ZNF23: variants seen among roughly 807,000 people sequenced by gnomAD.
ZNF23 encodes the protein zinc finger protein 23.
In ZNF23, 48 loss-of-function variants were observed where a neutral mutation model predicts 56.2. That is an observed-to-expected ratio of 0.85 (90% CI 0.68 to 1.09). The LOEUF (loss-of-function observed/expected upper bound fraction) is 1.09, where lower values mean the gene tolerates loss of function less well. Ranked by LOEUF, ZNF23 falls within the 50% of genes least tolerant of loss-of-function variation. ZNF23 has a pLI of 0.00. For missense variants in ZNF23, 805 were observed against 811.4 expected (o/e 0.99, Z 0.10); for synonymous variants, 266 against 283.3 (o/e 0.94, Z 0.61).
chr16:71,453,750 C>A (rs2043132424), intron 3 of ZNF23: 1 of 546,790 alleles, frequency 1.8e-6, no homozygotes, highest in Non-Finnish European at 3.3e-6. Context: ...GATGAGGGGG[C>A]AACTGAAGAT....
At position 71,449,321 on chromosome 16, in the gene ZNF23, T is replaced by C. The variant is rs750932070; in HGVS notation, c.833A>G (p.Tyr278Cys). The change falls in exon 5 of 5, where the codon TAC (tyrosine) becomes TGC (cysteine). Residue 278 changes from tyrosine to cysteine, a missense_variant. By Grantham distance (194) the Tyr-to-Cys change is radical. Transcript: ENST00000647773. Reference protein sequence around the residue: ...KCVECGKSFSYSSHYITHQTI... With the variant: ...KCVECGKSFSCSSHYITHQTI... ...CTGATGTGTGATATAATGGGAACTG[T>C]AGCTGAAGCTTTTCCCACACTCCAC... 4 of 1,613,934 alleles carry C rather than the reference T, an allele frequency of 2.5e-6. No homozygotes were observed. The highest frequency in any genetic ancestry group is 2.7e-5 in the African/African-American group (2 of 74,862).
Position 71,448,277 on chromosome 16 carries a change from G to C in ZNF23, c.1877C>G (p.Thr626Ser). 1 of 1,614,212 alleles carries C rather than the reference G, an allele frequency of 6.2e-7. No individual in the cohort carries two copies. The highest frequency in any genetic ancestry group is 8.5e-7 in the Non-Finnish European group (1 of 1,180,042). ...AHLIRHQRSH[T>S]GEKPFRCVEC... is the part of the protein sequence containing the mutation. The stretch of plus-strand genomic sequence containing the variant: ...CACACATCTGAAGGGTTTCTCCCCA[G>C]TGTGGCTTCTCTGATGCCGAATTAA... The change falls in exon 5 of 5, where the codon ACT (threonine) becomes AGT (serine). Residue 626 changes from threonine to serine, a missense_variant. Coordinates refer to ENST00000647773, the MANE Select transcript of ZNF23 (RefSeq NM_001381984.1).
rs115499134 is a variant in ZNF23, at chr16:71,460,180, C to T, written c.-33+2030G>A. ...AAATTCTCTAAAAAGTACTTAGAGA[C>T]GAGGGGCATCACAGGTCTCTAAAGC... On this transcript the variant is annotated intron_variant, in intron 1 of 4. Coordinates refer to ENST00000647773, the MANE Select transcript of ZNF23 (RefSeq NM_001381984.1). Among the ~76,000 whole-genome samples the T allele has an allele frequency of 7.1e-3, 1,078 of 152,242 alleles. 20 individuals carry two copies. Among genetic ancestry groups the T allele is most frequent in the African/African-American group, 0.025 (1,034 of 41,546 alleles).
In ZNF23 at chr16:71,449,597, G is replaced by A. The variant is rs887079877; in HGVS notation, c.557C>T (p.Thr186Ile). Residue 186 changes from threonine to isoleucine, a missense_variant, in exon 5 of 5, where the codon ACA becomes ATA. Transcript: ENST00000647773. Reference sequence around the variant, plus strand: ...AAAGCTGATGGATTTCCCCAATCCTGTACACCCAGAGGGCTGCTCTCCAGT... The same window carrying A: ...AAAGCTGATGGATTTCCCCAATCCTATACACCCAGAGGGCTGCTCTCCAGT... ...TITGEQPSGC[T>I]GLGKSISFDT... 8 of 1,614,018 alleles carry A rather than the reference G, an allele frequency of 5.0e-6. No homozygotes were observed. The highest frequency in any genetic ancestry group is 3.3e-4 in the Middle Eastern group (2 of 6,062).
chr16:71,449,200 C>T lies in ZNF23; in HGVS notation c.954G>A (p.Thr318=), dbSNP rs768144012. Residue 318 remains threonine, a synonymous_variant, in exon 5 of 5, where the codon ACG becomes ACA. Transcript: ENST00000647773. ...CCTTGCACTGATAGGGCTTCTCTCC[C>T]GTATGGATTCTCTGATGCCTACTTA... ...GSLSRHQRIH[T]GEKPYQCKEC... 150 of 1,613,684 alleles carry T rather than the reference C, an allele frequency of 9.3e-5. No individual in the cohort carries two copies. Among genetic ancestry groups the T allele is most frequent in the Non-Finnish European group, 1.2e-4 (140 of 1,179,934 alleles).
chr16:71,453,566 G>C (rs952140358), intron 3 of ZNF23: 1 of 528,906 alleles, frequency 1.9e-6, no homozygotes, highest in South Asian at 2.5e-5. Flanking sequence ...GTGGGGGTTG[G>C]GGGTGAAGGC....
intron 4 of ZNF23, 22 bp downstream of exon 4, chr16:71,453,221 G>A: frequency 6.4e-7 from 1 of 1,558,228 alleles, no homozygotes; most frequent in Non-Finnish European, 8.8e-7. Flanking sequence ...CCAACAGAGT[G>A]GGAAATATGT....
At position 71,448,652 on chromosome 16, in the gene ZNF23, C is replaced by T. The variant is rs1236859557; in HGVS notation, c.1502G>A (p.Ser501Asn). ...YECNECGKAF[S>N]VNGKLMRHQR... is the part of the protein sequence containing the mutation. ...ATGCCGCATTAGTTTCCCATTAACGCTGAAGGCCTTTCCACACTCATTACA... is the reference window on the plus strand; with the variant it reads ...ATGCCGCATTAGTTTCCCATTAACGTTGAAGGCCTTTCCACACTCATTACA... Residue 501 changes from serine (S) to asparagine (N), a missense_variant, in exon 5 of 5, where the codon AGC (serine) becomes AAC (asparagine). Ser to Asn is a conservative substitution (Grantham distance 46). Coordinates refer to ENST00000647773, the MANE Select transcript of ZNF23 (RefSeq NM_001381984.1). 3.1e-6 allele frequency: 5 copies of T among 1,614,168 alleles called. No individual in the cohort carries two copies. The South Asian group carries it at 4.4e-5, about 14-fold the overall frequency.
chr16:71,461,627 A>G (rs1341748484), intron 1 of ZNF23: 1 of 152,140 alleles, frequency 6.6e-6, no homozygotes, highest in Non-Finnish European at 1.5e-5. Flanking sequence ...GTCACTGTCA[A>G]CCCTGAGCCG....
intron 4 of ZNF23, 192 bp from the exon 5 acceptor site, chr16:71,450,077 T>A (rs567944376): frequency 8.5e-6 from 4 of 469,120 alleles, no homozygotes; most frequent in South Asian, 9.5e-5. Context: ...AATAAATCCA[T>A]ATATGCTGAC....
chr16:71,461,250 T>G (rs928477669), intron 1 of ZNF23, among the ~76,000 whole-genome samples: 1 of 152,082 alleles, frequency 6.6e-6, no homozygotes, highest in African/African-American at 2.4e-5. Context: ...TTGGGTGGTG[T>G]GTTCATGGAT....
In ZNF23 at chr16:71,449,275, C is replaced by A; in HGVS notation, c.879G>T (p.Lys293Asn). Residue 293 changes from lysine (K) to asparagine (N), a missense_variant, in exon 5 of 5, where the codon AAG becomes AAT. Lys to Asn is a moderately conservative substitution (Grantham distance 94, BLOSUM62 0). Transcript: ENST00000647773. The part of the protein sequence containing the change: ...ITHQTIHSGE[K>N]PYQCKMCGKA... ...TCCCACACATCTTACACTGATAGGG[C>A]TTCTCCCCACTGTGGATTGTCTGAT... The A allele has an allele frequency of 1.2e-6, 2 of 1,614,218 alleles. No individual in the cohort carries two copies. The highest frequency in any genetic ancestry group is 1.7e-6 in the Non-Finnish European group (2 of 1,180,042).
At chr16:71,449,959 G>C in intron 4 of ZNF23, 74 bp from the exon 5 acceptor site, 1 of 1,254,360 alleles carries the variant, frequency 8.0e-7, no homozygotes, top group Non-Finnish European at 1.1e-6. Context: ...TGCTATAAAA[G>C]ACCATAATAA....
At position 71,449,926 on chromosome 16, in the gene ZNF23, T is replaced by C. The variant is rs2042996124; in HGVS notation, c.269-41A>G. 2.0e-6 allele frequency: 3 copies of C among 1,490,056 alleles called. No homozygotes were observed. In the East Asian group the frequency reaches 6.8e-5, roughly 34 times the overall value. The allele number at this position is 1,490,056 out of a possible 1,614,324, so 92.3% of individuals were successfully genotyped here. A position where few individuals can be genotyped will look rare whatever the true frequency, so the allele number is the denominator to read the frequency against. On this transcript the variant is annotated intron_variant, in intron 4 of 4. Transcript: ENST00000647773. ...AACATAAAATGTCATGTAAGAACCA[T>C]GTTAGGAAAAAGAAGAGAACTGTGC...
intron 1 of ZNF23, among the ~76,000 whole-genome samples, chr16:71,460,439 A>G (rs1355626978): frequency 1.3e-5 from 2 of 152,180 alleles, no homozygotes; most frequent in Admixed American, 1.3e-4. Flanking sequence ...ACTAACTCTC[A>G]CAAAACACTG....
chr16:71,451,115 C>A (rs2043043775), intron 4 of ZNF23: 1 of 152,484 alleles, frequency 6.6e-6, no homozygotes, highest in Non-Finnish European at 1.5e-5. Context: ...CTTGCCTTTT[C>A]CTTTCACTTC....
chr16:71,454,624 T>C (rs1163425921), intron 2 of ZNF23, among the ~76,000 whole-genome samples: 2 of 152,098 alleles, frequency 1.3e-5, no homozygotes, highest in African/African-American at 4.8e-5. Context: ...TTCTGTCTCA[T>C]CCAGCCCCAC....
rs1481284863 is a variant in ZNF23 at position 71,448,055 on chromosome 16, G to T, written c.*38C>A. The T allele has an allele frequency of 6.7e-7, 1 of 1,489,710 alleles. No homozygotes were observed. The highest frequency in any genetic ancestry group is 1.4e-5 in the South Asian group (1 of 73,950). 92.3% of individuals were successfully genotyped at this position (1,489,710 alleles called of 1,614,324 possible). A position where few individuals can be genotyped will look rare whatever the true frequency, so the allele number is the denominator to read the frequency against. On this transcript the variant is annotated 3_prime_UTR_variant, in exon 5 of 5. Transcript: ENST00000647773. ...AATCTGATGATACTTGATCCATTTT[G>T]GCATTAACCTTAAGAGTTTTCTATA...
Position 71,449,613 on chromosome 16 carries a change from G to A in ZNF23, c.541C>T (p.Gln181Ter), listed in dbSNP as rs1004469520. ...CCCAATCCTGTACACCCAGAGGGCT[G>A]CTCTCCAGTGATGGTATGACACTGA... ...SYQCHTITGE[Q>*]PSGCTGLGKS... Residue 181 changes from glutamine to a stop codon, truncating the protein, a stop_gained, in exon 5 of 5, where the codon CAG (glutamine) becomes TAG (stop). Transcript: ENST00000647773. LOFTEE classifies it high-confidence loss of function. 1.2e-6 allele frequency: 2 copies of A among 1,613,918 alleles called. No individual in the cohort carries two copies. The highest frequency in any genetic ancestry group is 8.5e-7 in the Non-Finnish European group (1 of 1,180,002).
Sources: allele counts gnomAD v4.1 joint callset (sites outside exome capture counted in the v4.1 genomes callset), GRCh38; gene constraint gnomAD v4.1.1; transcripts MANE v1.5; gene names NCBI Gene and HGNC (gene_info 2026-07-23, HGNC 2026-07-21).